Variants in OR1L6 observed in about 807,000 individuals in gnomAD.
The protein encoded by OR1L6 is olfactory receptor 1L6.
In OR1L6, 2 loss-of-function variants were observed where a neutral mutation model predicts 3.0. The ratio of observed to expected loss-of-function variants is 0.68; its 90% CI spans 0.28 to 2.13. The LOEUF is 2.13. Among genes scored for constraint, OR1L6 ranks in the 30% most tolerant of loss-of-function variants. The pLI is 0.14. For missense variants in OR1L6, 304 were observed against 378.4 expected (o/e 0.80, Z 1.63); for synonymous variants, 121 against 148.4 (o/e 0.82, Z 1.34).
rs1196352426 is a variant in OR1L6, at chr9:122,746,460, T to A, written c.-13-3375T>A. Among the ~76,000 whole-genome samples the A allele has an allele frequency of 2.6e-5, 4 of 152,210 alleles. No homozygotes were observed. The East Asian group carries it at 5.8e-4, about 22-fold the overall frequency. On this transcript the variant is annotated intron_variant, in intron 1 of 1. Transcript: ENST00000304720. ...TGAGTAATAAAAATATACTATAAACTGTTTAATAAATCACCTATTTGTGAA... is the reference window on the plus strand; with the variant it reads ...TGAGTAATAAAAATATACTATAAACAGTTTAATAAATCACCTATTTGTGAA...
rs542684602 is a variant in OR1L6, at chr9:122,749,223, G to A, written c.-13-612G>A. 3.3e-5 allele frequency among the ~76,000 whole-genome samples: 5 copies of A among 152,184 alleles called. No homozygotes were observed. In the East Asian group the frequency reaches 9.7e-4, roughly 29 times the overall value. On this transcript the variant is annotated intron_variant, in intron 1 of 1. Transcript: ENST00000304720. Reference sequence around the variant, plus strand: ...AGCTTTGTTCTTTTTTCTTAAAATTGCTTTGGCTATTCTGGCTCTTTGGGT... The same window carrying A: ...AGCTTTGTTCTTTTTTCTTAAAATTACTTTGGCTATTCTGGCTCTTTGGGT...
At position 122,745,408 on chromosome 9, in the gene OR1L6, C is replaced by CTTTTTTT. The variant is rs71892392; in HGVS notation, c.-14+3047_-14+3053dup. Reference sequence around the variant, plus strand: ...ACGAAATGACTATAAATAAACACACCTTTTTTTTTTTTTTTTTTATTTGAG... The same window carrying CTTTTTTT: ...ACGAAATGACTATAAATAAACACACCTTTTTTTTTTTTTTTTTTTTTTTTTATTTGAG... On this transcript the variant is annotated intron_variant, in intron 1 of 1. Coordinates refer to ENST00000304720, the MANE Select transcript of OR1L6 (RefSeq NM_001004453.3). 7.2e-4 allele frequency among the ~76,000 whole-genome samples: 63 copies of CTTTTTTT among 87,688 alleles called. 5 individuals carry two copies. Among genetic ancestry groups the CTTTTTTT allele is most frequent in the African/African-American group, 8.3e-4 (18 of 21,730 alleles). The allele number at this position is 87,688 out of a possible 152,430, so 57.5% of individuals were successfully genotyped here.
At chr9:122,744,857 A>T (rs1828819322) in intron 1 of OR1L6, among the ~76,000 whole-genome samples, 1 of 152,220 alleles carries the variant, frequency 6.6e-6, no homozygotes, top group Non-Finnish European at 1.5e-5. Context: ...TGCCCGAGGC[A>T]TGAGGAAAAT....
rs1828806735 is a variant in OR1L6, at chr9:122,743,287, G to C, written c.-14+914G>C. 2.0e-5 allele frequency among the ~76,000 whole-genome samples: 3 copies of C among 152,194 alleles called. No individual in the cohort carries two copies. In the South Asian group the frequency reaches 6.2e-4, roughly 32 times the overall value. Reference sequence around the variant, plus strand: ...AGAAACAAAAGTGGGGCAGAAGCTAGCTGAGGACAACCTGAGCTGGATGAA... The same window carrying C: ...AGAAACAAAAGTGGGGCAGAAGCTACCTGAGGACAACCTGAGCTGGATGAA... On this transcript the variant is annotated intron_variant, in intron 1 of 1. Transcript: ENST00000304720.
intron 1 of OR1L6, among the ~76,000 whole-genome samples, chr9:122,745,276 T>C (rs1313533037): frequency 6.6e-6 from 1 of 152,084 alleles, no homozygotes; most frequent in Non-Finnish European, 1.5e-5. Flanking sequence ...AATGAACCAT[T>C]TAACCTCATT....
Position 122,750,097 on chromosome 9 carries a change from G to T in OR1L6, c.250G>T (p.Val84Leu), listed in dbSNP as rs1348264157. Residue 84 changes from valine (V) to leucine (L), a missense_variant, in exon 2 of 2, where the codon GTG (valine) becomes TTG (leucine). Val to Leu is a conservative substitution (Grantham distance 32). Coordinates refer to ENST00000304720, the MANE Select transcript of OR1L6 (RefSeq NM_001004453.3). ...AACAGTCATAGTGCCTAAGATGCTGGTGAATTTTCTATCAGAGACAAAGGT... is the reference window on the plus strand; with the variant it reads ...AACAGTCATAGTGCCTAAGATGCTGTTGAATTTTCTATCAGAGACAAAGGT... Reference protein sequence around the residue: ...FTTVIVPKMLVNFLSETKVIS... With the variant: ...FTTVIVPKMLLNFLSETKVIS... 2 of 1,613,926 alleles carry T rather than the reference G, an allele frequency of 1.2e-6. No homozygotes were observed. Among genetic ancestry groups the T allele is most frequent in the African/African-American group, 2.7e-5 (2 of 74,896 alleles).
At chr9:122,749,106 T>C (rs1241175863) in intron 1 of OR1L6, among the ~76,000 whole-genome samples, 1 of 152,246 alleles carries the variant, frequency 6.6e-6, no homozygotes, top group African/African-American at 2.4e-5. Flanking sequence ...TTCTGTTCCA[T>C]TGATCTGTGT....
chr9:122,742,432 C>A (rs2118905508), intron 1 of OR1L6, 59 bp downstream of exon 1: 1 of 152,326 alleles, frequency 6.6e-6, no homozygotes, highest in East Asian at 1.9e-4. Flanking sequence ...TTCAGGTGAT[C>A]TTCTTCCCTT....
chr9:122,749,576 C>T (rs1485753985), intron 1 of OR1L6, among the ~76,000 whole-genome samples: 4 of 152,042 alleles, frequency 2.6e-5, no homozygotes, highest in Non-Finnish European at 4.4e-5. Flanking sequence ...GGCGTGGTGG[C>T]GGATGCCTGT....
rs1828823373 is a variant in OR1L6 at position 122,745,190 on chromosome 9, A to G, written c.-14+2817A>G. On this transcript the variant is annotated intron_variant, in intron 1 of 1. Coordinates refer to ENST00000304720, the MANE Select transcript of OR1L6 (RefSeq NM_001004453.3). ...TCAAGATCTATTCTACGCTGTAAAA[A>G]TTATCTCATGGGTGAGAAATATGTA... 4.6e-5 allele frequency among the ~76,000 whole-genome samples: 7 copies of G among 152,322 alleles called. No individual in the cohort carries two copies. The South Asian group carries it at 1.4e-3, about 32-fold the overall frequency.
chr9:122,746,825 T>A (rs1005268790), intron 1 of OR1L6, among the ~76,000 whole-genome samples: 3 of 152,194 alleles, frequency 2.0e-5, no homozygotes, highest in African/African-American at 7.2e-5. Context: ...ATGCTGATCA[T>A]CTTGTCATAC....
chr9:122,742,804 C>T (rs944834617), intron 1 of OR1L6, among the ~76,000 whole-genome samples: 6 of 152,204 alleles, frequency 3.9e-5, no homozygotes, highest in African/African-American at 1.4e-4. Flanking sequence ...GTTGTAAAGA[C>T]TAAATGACTT....
intron 1 of OR1L6, 142 bp from the exon 2 acceptor site, chr9:122,749,693 C>G (rs771368433): frequency 1.2e-6 from 1 of 813,272 alleles, no homozygotes. Context: ...GGGCGACAGA[C>G]CGAGACTCCG....
Position 122,746,192 on chromosome 9 carries a change from C to T in OR1L6, c.-13-3643C>T, listed in dbSNP as rs555261863. 7.9e-5 allele frequency among the ~76,000 whole-genome samples: 12 copies of T among 152,242 alleles called. No individual in the cohort carries two copies. In the South Asian group the frequency reaches 1.7e-3, roughly 21 times the overall value. ...TTGTGTTGTCTGTGCTATCAGACTG[C>T]CTGAATTCAAATTCCAGCTCTACCA... On this transcript the variant is annotated intron_variant, in intron 1 of 1. Transcript: ENST00000304720.
chr9:122,746,487 ACT>A (rs1200663146), intron 1 of OR1L6, among the ~76,000 whole-genome samples: 2 of 152,046 alleles, frequency 1.3e-5, no homozygotes, highest in African/African-American at 2.4e-5. Context: ...ATTTGTGAAT[ACT>A]CTGTTTCCTC....
intron 1 of OR1L6, among the ~76,000 whole-genome samples, chr9:122,746,940 G>T (rs533447587): frequency 1.3e-5 from 2 of 152,152 alleles, no homozygotes; most frequent in South Asian, 4.2e-4. Flanking sequence ...TTTTAAGTGG[G>T]TTATTTTGTC....
intron 1 of OR1L6, among the ~76,000 whole-genome samples, chr9:122,744,392 T>C (rs1300267162): frequency 2.0e-5 from 3 of 152,052 alleles, no homozygotes; most frequent in Non-Finnish European, 4.4e-5. Context: ...CTGGTTTCAT[T>C]TGGGCTGACA....
Position 122,749,757 on chromosome 9 carries a change from G to C in OR1L6, c.-13-78G>C, listed in dbSNP as rs1479342921. 4 of 1,319,622 alleles carry C rather than the reference G, an allele frequency of 3.0e-6. No homozygotes were observed. In the East Asian group the frequency reaches 6.9e-5, roughly 23 times the overall value. The allele number at this position is 1,319,622 out of a possible 1,614,324, so 81.7% of individuals were successfully genotyped here. On this transcript the variant is annotated intron_variant, in intron 1 of 1. Transcript: ENST00000304720. ...AAAGGGCTATGAGCTATTTTTACAGGCTTAAGCTTATGAAAGAAGCTGTCT... is the reference window on the plus strand; with the variant it reads ...AAAGGGCTATGAGCTATTTTTACAGCCTTAAGCTTATGAAAGAAGCTGTCT...
intron 1 of OR1L6, 50 bp from the exon 2 acceptor site, chr9:122,749,785 G>C (rs776640359): frequency 2.3e-5 from 35 of 1,539,392 alleles, no homozygotes; most frequent in Middle Eastern, 1.7e-4. Context: ...AGCTGTCTTG[G>C]TCAAACTGCC....
Sources: gnomAD v4.1 joint callset for allele counts (sites outside exome capture counted in the v4.1 genomes callset) on GRCh38, gnomAD v4.1.1 for gene constraint, MANE v1.5 for transcripts, NCBI Gene and HGNC (gene_info 2026-07-23, HGNC 2026-07-21) for gene names.